The following TET1 variants were observed in gnomAD, a reference collection of about 807,000 sequenced individuals.
TET1 encodes tet methylcytosine dioxygenase 1.
Under a neutral mutation model 148.7 loss-of-function variants are expected in TET1, and 13 were observed. That is an observed-to-expected ratio of 0.09 (90% CI 0.06 to 0.14). The LOEUF is 0.14. Among genes scored for constraint, TET1 ranks in the 10% least tolerant of loss-of-function variants. The pLI is 1.00. For missense variants in TET1, 2,182 were observed against 2,553.8 expected (o/e 0.85, Z 3.14); for synonymous variants, 907 against 937.2 (o/e 0.97, Z 0.59).
At chr10:68,651,064 A>G (rs1191478997) in intron 4 of TET1, among the ~76,000 whole-genome samples, 1 of 152,220 alleles carries the variant, frequency 6.6e-6, no homozygotes, top group Non-Finnish European at 1.5e-5. Flanking sequence ...TAAACATCCC[A>G]TAATTTATTT....
At chr10:68,603,473 A>T (rs1162854312) in intron 3 of TET1, among the ~76,000 whole-genome samples, 1 of 151,352 alleles carries the variant, frequency 6.6e-6, no homozygotes, top group Non-Finnish European at 1.5e-5. Flanking sequence ...CTCCTCTTAA[A>T]AACATACCTG....
chr10:68,586,489 T>TG (rs1554931424), intron 2 of TET1, among the ~76,000 whole-genome samples: 8 of 149,882 alleles, frequency 5.3e-5, no homozygotes, highest in African/African-American at 7.5e-5. Flanking sequence ...GCTAACGTTT[T>TG]TTTTTTTTTT....
chr10:68,667,604 C>T (rs1321537231), intron 7 of TET1, among the ~76,000 whole-genome samples: 7 of 151,934 alleles, frequency 4.6e-5, no homozygotes, highest in Non-Finnish European at 1.0e-4. Flanking sequence ...ATTAGCCGGG[C>T]GTGGTGGCGG....
At chr10:68,680,243 T>C (rs1473150703) in intron 8 of TET1, among the ~76,000 whole-genome samples, 2 of 152,240 alleles carry the variant, frequency 1.3e-5, no homozygotes, top group East Asian at 1.9e-4. Context: ...ATTCATATAA[T>C]GGTCTCCTTT....
chr10:68,583,020 G>T (rs2053818893), intron 2 of TET1, among the ~76,000 whole-genome samples: 1 of 152,158 alleles, frequency 6.6e-6, no homozygotes, highest in Non-Finnish European at 1.5e-5. Flanking sequence ...TGTCACAGCA[G>T]TTCAAATCTT....
chr10:68,670,797 T>A (rs1442322651), intron 7 of TET1, among the ~76,000 whole-genome samples: 8 of 152,162 alleles, frequency 5.3e-5, no homozygotes, highest in Non-Finnish European at 1.2e-4. Flanking sequence ...TTATAAGCAA[T>A]GCTAAGTTAC....
chr10:68,661,251 T>C (rs2055109532), intron 6 of TET1, among the ~76,000 whole-genome samples: 1 of 137,222 alleles, frequency 7.3e-6, no homozygotes, highest in Non-Finnish European at 1.5e-5. Context: ...GGTTTCACCA[T>C]GTTAGCCAGG....
At chr10:68,650,267 G>A (rs537490467) in intron 4 of TET1, among the ~76,000 whole-genome samples, 69 of 152,142 alleles carry the variant, frequency 4.5e-4, no homozygotes, top group African/African-American at 1.4e-3. Context: ...TCCCCTTAGC[G>A]GCAACATTCC....
chr10:68,685,880 A>G (rs1052193747), intron 10 of TET1, among the ~76,000 whole-genome samples: 4 of 152,212 alleles, frequency 2.6e-5, no homozygotes, highest in African/African-American at 9.6e-5. Flanking sequence ...CTGTTAGCGT[A>G]TAAGTCTTTC....
chr10:68,567,702 A>C (rs987654473), intron 1 of TET1, among the ~76,000 whole-genome samples: 2 of 151,760 alleles, frequency 1.3e-5, no homozygotes, highest in African/African-American at 4.8e-5. Flanking sequence ...CAACATGCCA[A>C]GATCGTGCCA....
At chr10:68,673,769 T>C (rs2055306695) in intron 8 of TET1, among the ~76,000 whole-genome samples, 1 of 151,972 alleles carries the variant, frequency 6.6e-6, no homozygotes, top group Non-Finnish European at 1.5e-5. Flanking sequence ...TACAAGCCAC[T>C]ATACACATAC....
At chr10:68,644,351 C>T (rs183999861) in intron 3 of TET1, among the ~76,000 whole-genome samples, 135 of 152,202 alleles carry the variant, frequency 8.9e-4, no homozygotes, top group Non-Finnish European at 5.1e-4. Flanking sequence ...CGCAGGTGTG[C>T]ATCACCACAC....
chr10:68,578,378 C>T (rs1394742341), intron 2 of TET1, among the ~76,000 whole-genome samples: 1 of 152,110 alleles, frequency 6.6e-6, no homozygotes, highest in African/African-American at 2.4e-5. Flanking sequence ...CCTGCCTCAG[C>T]CTGCCGAGTA....
At position 68,632,414 on chromosome 10, in the gene TET1, C is replaced by T. The variant is rs2054587571; in HGVS notation, c.1969-12284C>T. The stretch of plus-strand genomic sequence containing the variant: ...CCCGGTGAGCCCGAGGAGAGGAAGT[C>T]CCTTAAGCTCCTAGGATTTTTAGAT... On this transcript the variant is annotated intron_variant, in intron 3 of 11. Transcript: ENST00000373644. 6.8e-6 allele frequency: 11 copies of T among 1,611,470 alleles called. No individual in the cohort carries two copies. The Middle Eastern group carries it at 8.4e-4, about 123-fold the overall frequency.
intron 6 of TET1, among the ~76,000 whole-genome samples, chr10:68,656,354 C>T (rs2055021614): frequency 6.6e-6 from 1 of 152,150 alleles, no homozygotes; most frequent in African/African-American, 2.4e-5. Flanking sequence ...GCTCCGCCTC[C>T]TGGGTTCACA....
At chr10:68,627,762 C>CT (rs137960231) in intron 3 of TET1, among the ~76,000 whole-genome samples, 46,658 of 147,296 alleles carry the variant, frequency 0.32, 8,154 homozygotes, top group Non-Finnish European at 0.4. Context: ...CCCGTCTCTA[C>CT]CAAAAAAATA....
intron 8 of TET1, chr10:68,674,587 T>C: frequency 1.9e-6 from 1 of 536,630 alleles, no homozygotes. Context: ...CTGAAGATGT[T>C]CAGGGGAATG....
intron 6 of TET1, among the ~76,000 whole-genome samples, chr10:68,659,362 C>G (rs192528703): frequency 9.2e-5 from 14 of 152,258 alleles, no homozygotes; most frequent in Non-Finnish European, 1.5e-4. Flanking sequence ...AAGTCTTGCT[C>G]TGTTGCCCAG....
chr10:68,652,739 A>T, intron 6 of TET1, 145 bp downstream of exon 6: 2 of 509,832 alleles, frequency 3.9e-6, no homozygotes, highest in Non-Finnish European at 3.3e-6. Flanking sequence ...CCCCGGCTGG[A>T]TTGCAGTGGT....
Sources: gnomAD v4.1 joint callset for allele counts (sites outside exome capture counted in the v4.1 genomes callset) on GRCh38, gnomAD v4.1.1 for gene constraint, MANE v1.5 for transcripts, NCBI Gene and HGNC (gene_info 2026-07-23, HGNC 2026-07-21) for gene names.